CNBD1: variants seen among roughly 807,000 people sequenced by gnomAD.
CNBD1 encodes the protein cyclic nucleotide-binding domain-containing protein 1.
In CNBD1, 71 loss-of-function variants were observed where a neutral mutation model predicts 54.4. The observed-to-expected ratio is 1.30, with a 90% CI of 1.08 to 1.59. The LOEUF is 1.59. CNBD1 is among the 40% of genes most tolerant of loss of function. The probability of loss-of-function intolerance (pLI) is 0.00; values close to 1 mark genes in which losing one functional copy is unlikely to be tolerated. For missense variants in CNBD1, 659 were observed against 518.0 expected (o/e 1.27, Z -2.64); for synonymous variants, 182 against 170.7 (o/e 1.07, Z -0.51).
intron 8 of CNBD1, among the ~76,000 whole-genome samples, chr8:87,309,322 G>T (rs1030312615): frequency 3.3e-5 from 5 of 151,928 alleles, no homozygotes; most frequent in Non-Finnish European, 7.4e-5. Flanking sequence ...AATCATCTCT[G>T]CTTCTCCATG....
At chr8:86,889,671 AG>A (rs1563811800) in intron 2 of CNBD1, among the ~76,000 whole-genome samples, 1 of 152,044 alleles carries the variant, frequency 6.6e-6, no homozygotes, top group African/African-American at 2.4e-5. Context: ...TTAATAACAA[AG>A]GGGGGATGAT....
intron 8 of CNBD1, among the ~76,000 whole-genome samples, chr8:87,349,895 G>A (rs1265033392): frequency 1.3e-5 from 2 of 152,176 alleles, no homozygotes; most frequent in Non-Finnish European, 2.9e-5. Flanking sequence ...TCAACACAAA[G>A]AAAAATTCCT....
chr8:87,045,722 C>A lies in CNBD1; in HGVS notation c.431+105968C>A, dbSNP rs1396770895. Among the ~76,000 whole-genome samples, 3 of 101,114 alleles carry A rather than the reference C, an allele frequency of 3.0e-5. No homozygotes were observed. The East Asian group carries it at 7.4e-4, about 25-fold the overall frequency. 66.3% of individuals were successfully genotyped at this position (101,114 alleles called of 152,430 possible). A position where few individuals can be genotyped will look rare whatever the true frequency, so the allele number is the denominator to read the frequency against. ...CCTGGGCGACAGAGCAAGACTCCGT[C>A]TCAAAAAAAAAAAAAAAAAAAACAG... is the stretch of plus-strand genomic sequence containing the variant. On this transcript the variant is annotated intron_variant, in intron 4 of 10. Coordinates refer to ENST00000518476, the MANE Select transcript of CNBD1 (RefSeq NM_173538.3).
At chr8:86,873,610 A>G (rs1808472576) in intron 1 of CNBD1, among the ~76,000 whole-genome samples, 1 of 151,998 alleles carries the variant, frequency 6.6e-6, no homozygotes, top group African/African-American at 2.4e-5. Flanking sequence ...CCTTGGCAAC[A>G]TAGTGAGACC....
At chr8:87,083,512 T>C (rs183097360) in intron 4 of CNBD1, among the ~76,000 whole-genome samples, 5 of 152,154 alleles carry the variant, frequency 3.3e-5, no homozygotes, top group Non-Finnish European at 5.9e-5. Flanking sequence ...CAAAAATTCT[T>C]TCAATTTACC....
At chr8:87,237,391 G>A (rs910319604) in intron 6 of CNBD1, 5 of 242,870 alleles carry the variant, frequency 2.1e-5, no homozygotes, top group Non-Finnish European at 3.9e-5. Context: ...AAGGATAATA[G>A]TAGTTTCAGA....
chr8:87,266,961 A>G (rs1248508831), intron 6 of CNBD1, among the ~76,000 whole-genome samples: 2 of 151,926 alleles, frequency 1.3e-5, no homozygotes, highest in African/African-American at 2.4e-5. Flanking sequence ...TCATGGTATC[A>G]TAACAGAAAA....
Position 87,182,944 on chromosome 8 carries a change from G to C in CNBD1, c.432-23049G>C, listed in dbSNP as rs981315300. Among the ~76,000 whole-genome samples, 2 of 152,048 alleles carry C rather than the reference G, an allele frequency of 1.3e-5. No homozygotes were observed. Among genetic ancestry groups the C allele is most frequent in the Non-Finnish European group, 2.9e-5 (2 of 68,000 alleles). On this transcript the variant is annotated intron_variant, in intron 4 of 10. Coordinates refer to ENST00000518476, the MANE Select transcript of CNBD1 (RefSeq NM_173538.3). This position sits in a 1 kb window ranked among gnomAD's most constrained non-coding sequence, Gnocchi z 4.1. ...TATGTATTTTTGTTTTGTTACAATT[G>C]CTTTTGGAGACTTTGACATGAAATT...
chr8:87,211,963 T>C (rs1302278873), intron 5 of CNBD1, among the ~76,000 whole-genome samples: 1 of 152,198 alleles, frequency 6.6e-6, no homozygotes, highest in Non-Finnish European at 1.5e-5. Context: ...ATGTATTAAA[T>C]TGGTAACTTA....
At chr8:87,413,094 C>T (rs1270896402) in intron 2 of CNBD1, among the ~76,000 whole-genome samples, 1 of 151,846 alleles carries the variant, frequency 6.6e-6, no homozygotes, top group African/African-American at 2.4e-5. Context: ...CTCAATTGTA[C>T]CTAGTGAACG....
At chr8:86,911,666 A>C (rs1809101724) in intron 3 of CNBD1, among the ~76,000 whole-genome samples, 1 of 152,190 alleles carries the variant, frequency 6.6e-6, no homozygotes, top group Non-Finnish European at 1.5e-5. Context: ...CAAAGAAAGA[A>C]GTGATATTAT....
At chr8:87,124,876 T>C (rs1036147822) in intron 4 of CNBD1, among the ~76,000 whole-genome samples, 1 of 151,864 alleles carries the variant, frequency 6.6e-6, no homozygotes, top group Admixed American at 6.6e-5. Flanking sequence ...TATTTGTTGA[T>C]GACATGATCT....
chr8:87,165,096 A>G (rs1420365747), intron 4 of CNBD1, among the ~76,000 whole-genome samples: 7 of 150,772 alleles, frequency 4.6e-5, no homozygotes. Flanking sequence ...ATTTTTTCCT[A>G]TTTTCATCCT....
At chr8:87,009,296 T>C (rs888485912) in intron 4 of CNBD1, among the ~76,000 whole-genome samples, 5 of 152,092 alleles carry the variant, frequency 3.3e-5, no homozygotes, top group Non-Finnish European at 7.4e-5. Flanking sequence ...TTATTTTTTA[T>C]TTTATTTTAT....
intron 4 of CNBD1, among the ~76,000 whole-genome samples, chr8:87,095,973 A>G (rs948365069): frequency 3.3e-5 from 5 of 152,094 alleles, no homozygotes; most frequent in Non-Finnish European, 7.4e-5. Context: ...ATTGTCTTTA[A>G]AATACCCTGT....
At chr8:87,048,027 G>A (rs1457107231) in intron 4 of CNBD1, among the ~76,000 whole-genome samples, 1 of 152,154 alleles carries the variant, frequency 6.6e-6, no homozygotes, top group East Asian at 1.9e-4. Flanking sequence ...TGCTTTCTCT[G>A]CTTTCCAGGC....
chr8:86,869,515 C>T (rs1294427869), intron 1 of CNBD1, among the ~76,000 whole-genome samples: 1 of 152,238 alleles, frequency 6.6e-6, no homozygotes, highest in African/African-American at 2.4e-5. Context: ...CAGACTCAGA[C>T]ACTTCAAGTA....
intron 4 of CNBD1, among the ~76,000 whole-genome samples, chr8:87,030,865 T>TCTCCTCCCC (rs1313473954): frequency 2.3e-5 from 1 of 42,922 alleles, no homozygotes; most frequent in East Asian, 7.7e-4. Context: ...CTCTCCTCCC[T>TCTCCTCCCC]CTCCTCCCCT....
At chr8:87,365,075 T>A (rs1170952589) in intron 10 of CNBD1, among the ~76,000 whole-genome samples, 2 of 152,068 alleles carry the variant, frequency 1.3e-5, no homozygotes, top group African/African-American at 4.8e-5. Flanking sequence ...CACACTGCTT[T>A]CTATAATGGT....
Sources: gnomAD v4.1 joint callset for allele counts (sites outside exome capture counted in the v4.1 genomes callset) on GRCh38, gnomAD v4.1.1 for gene constraint, Gnocchi (gnomAD v3.1) non-coding constraint, MANE v1.5 for transcripts, NCBI Gene and HGNC (gene_info 2026-07-23, HGNC 2026-07-21) for gene names.